Variants in PLXNA4 observed in about 807,000 individuals in gnomAD.
The protein encoded by PLXNA4 is plexin A4.
PLXNA4 carries 44 observed loss-of-function variants against 191.8 expected under a neutral mutation model. That is an observed-to-expected ratio of 0.23 (90% CI 0.18 to 0.29). PLXNA4 has a LOEUF of 0.29. Ranked by LOEUF, PLXNA4 falls within the 10% of genes least tolerant of loss-of-function variation. The pLI is 1.00. For synonymous variants in PLXNA4, 1,082 were observed against 1,009.5 expected (o/e 1.07, Z -1.36); for missense variants, 1,800 against 2,488.8 (o/e 0.72, Z 5.89).
At chr7:132,623,658 G>A (rs1803315876) in intron 2 of PLXNA4, among the ~76,000 whole-genome samples, 2 of 152,168 alleles carry the variant, frequency 1.3e-5, no homozygotes, top group South Asian at 4.1e-4. Flanking sequence ...AGTCCCTCCT[G>A]TTTGCTCTAC....
chr7:132,342,962 GA>G lies in PLXNA4; in HGVS notation c.1372-44741del, dbSNP rs1232117947. ...ACTCTGCCTCAAAAAAAAAAAAAAA[GA>G]AAAAAAAAATTAAAAAAGAAGATAT... On this transcript the variant is annotated intron_variant, in intron 3 of 31. Transcript: ENST00000321063. 1.3e-3 allele frequency among the ~76,000 whole-genome samples: 145 copies of G among 111,004 alleles called. 2 individuals carry two copies. The highest frequency in any genetic ancestry group is 3.8e-3 in the African/African-American group (99 of 26,364). The allele number at this position is 111,004 out of a possible 152,430, so 72.8% of individuals were successfully genotyped here. A position where few individuals can be genotyped will look rare whatever the true frequency, so the allele number is the denominator to read the frequency against.
At chr7:132,489,587 A>G in intron 2 of PLXNA4, 113 bp from the exon 3 acceptor site, 1 of 962,756 alleles carries the variant, frequency 1.0e-6, no homozygotes. Context: ...ACATCTGGTA[A>G]CAATCCCTCT....
chr7:132,377,709 A>G (rs1804717620), intron 3 of PLXNA4, among the ~76,000 whole-genome samples: 1 of 152,190 alleles, frequency 6.6e-6, no homozygotes, highest in Non-Finnish European at 1.5e-5. Context: ...CCAACTCAGT[A>G]GATAGGTTCT....
At chr7:132,178,108 A>AT (rs1174990649) in intron 20 of PLXNA4, among the ~76,000 whole-genome samples, 3 of 152,090 alleles carry the variant, frequency 2.0e-5, no homozygotes, top group Non-Finnish European at 4.4e-5. Flanking sequence ...GGTGTTTGTA[A>AT]TTTTTTTAAT....
Position 132,130,262 on chromosome 7 carries a change from C to A in PLXNA4, c.*217G>T. The A allele has an allele frequency of 1.6e-6, 1 of 609,658 alleles. No homozygotes were observed. Among genetic ancestry groups the A allele is most frequent in the African/African-American group, 1.8e-5 (1 of 54,340 alleles). 37.8% of individuals were successfully genotyped at this position (609,658 alleles called of 1,614,324 possible). The stretch of plus-strand genomic sequence containing the variant: ...GGCCATTCTTGGACTAACTGAGGGT[C>A]AGTGGCTTGGTCCAATCGTGTTGGC... On this transcript the variant is annotated 3_prime_UTR_variant, in exon 32 of 32. Transcript: ENST00000321063.
intron 3 of PLXNA4, among the ~76,000 whole-genome samples, chr7:132,480,790 T>C (rs1160559211): frequency 1.3e-5 from 2 of 152,162 alleles, no homozygotes; most frequent in South Asian, 2.1e-4. Context: ...TCCAGCATAA[T>C]TGCTCTCAGA....
At chr7:132,151,315 AG>A (rs1230857336) in intron 25 of PLXNA4, among the ~76,000 whole-genome samples, 782 of 67,522 alleles carry the variant, frequency 0.012, 12 homozygotes, top group Non-Finnish European at 0.022. Flanking sequence ...AGGAAGAAGG[AG>A]GAGGAGGAGG....
Position 132,242,592 on chromosome 7 carries a change from G to A in PLXNA4, c.1504-1426C>T, listed in dbSNP as rs544902432. Among the ~76,000 whole-genome samples the A allele has an allele frequency of 1.2e-4, 19 of 152,096 alleles. No homozygotes were observed. The East Asian group carries it at 1.7e-3, about 14-fold the overall frequency. ...TTGTTCTCCAAAGTACACACTGAGC[G>A]TTCTTAATGACCACACTGCGCTTTC... On this transcript the variant is annotated intron_variant, in intron 4 of 31. Coordinates refer to ENST00000321063, the MANE Select transcript of PLXNA4 (RefSeq NM_020911.2).
intron 3 of PLXNA4, among the ~76,000 whole-genome samples, chr7:132,405,315 A>T (rs1244900384): frequency 6.6e-6 from 1 of 152,122 alleles, no homozygotes; most frequent in Non-Finnish European, 1.5e-5. Flanking sequence ...ATGAGGCAGG[A>T]CTAGGCTGTG....
At chr7:132,349,822 C>T (rs1033753879) in intron 3 of PLXNA4, among the ~76,000 whole-genome samples, 3 of 152,140 alleles carry the variant, frequency 2.0e-5, no homozygotes, top group African/African-American at 7.2e-5. Flanking sequence ...ATCTTGCCAT[C>T]AAATGCCCTT....
intron 4 of PLXNA4, among the ~76,000 whole-genome samples, chr7:132,277,025 AT>A (rs1023153933): frequency 6.6e-6 from 1 of 152,086 alleles, no homozygotes; most frequent in Non-Finnish European, 1.5e-5. Flanking sequence ...TTTTTAAAGA[AT>A]TTTTTCTTTT....
chr7:132,560,317 G>A (rs1179732674), intron 1 of PLXNA4, among the ~76,000 whole-genome samples: 1 of 152,146 alleles, frequency 6.6e-6, no homozygotes, highest in Non-Finnish European at 1.5e-5. Context: ...TCAACCTCCC[G>A]GGATTGTTCT....
chr7:132,453,931 T>C (rs1331354792), intron 3 of PLXNA4, among the ~76,000 whole-genome samples: 2 of 152,256 alleles, frequency 1.3e-5, no homozygotes, highest in African/African-American at 4.8e-5. Flanking sequence ...ATGTAGTCTT[T>C]GACCCACCGT....
chr7:132,502,041 G>A (rs1234930020), intron 2 of PLXNA4, among the ~76,000 whole-genome samples: 2 of 152,200 alleles, frequency 1.3e-5, no homozygotes, highest in Non-Finnish European at 2.9e-5. Flanking sequence ...CATCAAGTCT[G>A]AGCCCTGTGC....
chr7:132,161,031 C>A (rs958600247), intron 24 of PLXNA4, among the ~76,000 whole-genome samples: 1 of 152,206 alleles, frequency 6.6e-6, no homozygotes, highest in African/African-American at 2.4e-5. Context: ...CCATGTGTGC[C>A]TCCTCCCAGC....
chr7:132,349,171 G>A (rs1803378075), intron 3 of PLXNA4, among the ~76,000 whole-genome samples: 1 of 152,138 alleles, frequency 6.6e-6, no homozygotes, highest in Admixed American at 6.5e-5. Flanking sequence ...TAAATAAAAG[G>A]GTTATTGAGC....
chr7:132,393,086 G>A (rs1037705041), intron 3 of PLXNA4, among the ~76,000 whole-genome samples: 8 of 149,118 alleles, frequency 5.4e-5, no homozygotes, highest in African/African-American at 1.2e-4. Context: ...TTCCTCCTCC[G>A]AATTTTCTCA....
intron 3 of PLXNA4, among the ~76,000 whole-genome samples, chr7:132,429,731 C>T (rs1795189962): frequency 6.6e-6 from 1 of 152,170 alleles, no homozygotes; most frequent in South Asian, 2.1e-4. Context: ...CTTTGTGCTT[C>T]TCTGATTATT....
In PLXNA4 at chr7:132,618,736, C is replaced by T. The variant is rs868394976; in HGVS notation, c.-87+27192G>A. On this transcript the variant is annotated intron_variant, in intron 2 of 4. Transcript: ENST00000378539. ...GAATCATGACATTCTCTGTTTAGCC[C>T]CCATGAAATATTTTAAATTCCATTT... Among the ~76,000 whole-genome samples the T allele has an allele frequency of 6.6e-5, 10 of 152,148 alleles. No homozygotes were observed. The Middle Eastern group carries it at 0.01, about 155-fold the overall frequency.
Sources: gnomAD v4.1 joint callset for allele counts (sites outside exome capture counted in the v4.1 genomes callset) on GRCh38, gnomAD v4.1.1 for gene constraint, MANE v1.5 for transcripts, NCBI Gene and HGNC (gene_info 2026-07-23, HGNC 2026-07-21) for gene names.